Variants in VPS13B observed in about 807,000 individuals in gnomAD.
The protein encoded by VPS13B is vacuolar protein sorting 13 homolog B, also known as intermembrane lipid transfer protein VPS13B.
In VPS13B, 285 loss-of-function variants were observed where a neutral mutation model predicts 426.4. That is an observed-to-expected ratio of 0.67 (90% CI 0.61 to 0.74). The LOEUF is 0.74. Among genes scored for constraint, VPS13B ranks in the 30% least tolerant of loss-of-function variants. The pLI, the probability that VPS13B is intolerant of heterozygous loss-of-function variation, is 0.00. For missense variants in VPS13B, 4,537 were observed against 4,782.6 expected (o/e 0.95, Z 1.51); for synonymous variants, 1,676 against 1,676.4 (o/e 1.00, Z 0.01).
intron 19 of VPS13B, among the ~76,000 whole-genome samples, chr8:99,381,152 G>C (rs550772390): frequency 6.6e-6 from 1 of 152,178 alleles, no homozygotes; most frequent in African/African-American, 2.4e-5. Flanking sequence ...GAGAACATGT[G>C]GTATTTTGTT....
chr8:99,847,242 A>G (rs1159995625), intron 54 of VPS13B, among the ~76,000 whole-genome samples: 2 of 152,236 alleles, frequency 1.3e-5, no homozygotes, highest in Admixed American at 6.5e-5. Flanking sequence ...AAACGTGTTC[A>G]TAGAGAATAC....
chr8:99,135,697 T>C lies in VPS13B; in HGVS notation c.1527T>C (p.Thr509=), dbSNP rs778708757. 3 of 1,613,424 alleles carry C rather than the reference T, an allele frequency of 1.9e-6. No homozygotes were observed. Among genetic ancestry groups the C allele is most frequent in the Middle Eastern group, 1.7e-4 (1 of 6,056 alleles). ...FDYRSPENNG[T]RAEFILDSTH... ...ACCGAAGCCCAGAAAATAATGGTAC[T>C]CGCGCAGAATTTATCTTGGATTCAA... The change falls in exon 11 of 62, where the codon ACT becomes ACC. Residue 509 remains threonine (T), a synonymous_variant. Transcript: ENST00000357162.
chr8:99,791,383 A>G (rs760140960), intron 43 of VPS13B, among the ~76,000 whole-genome samples: 1 of 152,104 alleles, frequency 6.6e-6, no homozygotes, highest in Non-Finnish European at 1.5e-5. Flanking sequence ...GCTCCAGCAC[A>G]CCACTGTCTG....
At chr8:99,742,280 A>G (rs982955000) in intron 39 of VPS13B, among the ~76,000 whole-genome samples, 1 of 152,216 alleles carries the variant, frequency 6.6e-6, no homozygotes, top group African/African-American at 2.4e-5. Flanking sequence ...ACCAGGAAGA[A>G]GTTGAATCTC....
At chr8:99,374,322 T>A in intron 19 of VPS13B, among the ~76,000 whole-genome samples, 1 of 151,986 alleles carries the variant, frequency 6.6e-6, no homozygotes, top group East Asian at 1.9e-4. Context: ...GGAAATCGTT[T>A]TTCACCTCTG....
chr8:99,211,755 G>A (rs928470874), intron 17 of VPS13B, among the ~76,000 whole-genome samples: 2 of 152,030 alleles, frequency 1.3e-5, no homozygotes, highest in African/African-American at 2.4e-5. Flanking sequence ...CCAGCCTGGC[G>A]ACAGAGAGAG....
intron 30 of VPS13B, among the ~76,000 whole-genome samples, chr8:99,540,493 G>C (rs543657513): frequency 6.6e-6 from 1 of 152,242 alleles, no homozygotes; most frequent in Non-Finnish European, 1.5e-5. Flanking sequence ...ACAGCTAGCT[G>C]TTTGACCTCA....
At chr8:99,290,352 G>T (rs192834304) in intron 19 of VPS13B, among the ~76,000 whole-genome samples, 1 of 152,158 alleles carries the variant, frequency 6.6e-6, no homozygotes, top group Non-Finnish European at 1.5e-5. Context: ...CATGTCCTTT[G>T]TGGGGACATG....
At chr8:99,499,915 C>T (rs1168527457) in intron 25 of VPS13B, among the ~76,000 whole-genome samples, 1 of 152,146 alleles carries the variant, frequency 6.6e-6, no homozygotes, top group African/African-American at 2.4e-5. Flanking sequence ...CATTGGGCCT[C>T]CTTCTGAGGT....
At chr8:99,333,319 G>T (rs925847576) in intron 19 of VPS13B, among the ~76,000 whole-genome samples, 4 of 151,720 alleles carry the variant, frequency 2.6e-5, no homozygotes, top group Non-Finnish European at 5.9e-5. Context: ...TTCTTTTAAT[G>T]AAACATTTTC....
intron 19 of VPS13B, among the ~76,000 whole-genome samples, chr8:99,315,218 T>G (rs1390146326): frequency 6.6e-6 from 1 of 152,192 alleles, no homozygotes; most frequent in African/African-American, 2.4e-5. Flanking sequence ...TTTCATTAAA[T>G]AGCTTTATTC....
At chr8:99,417,266 A>G (rs1816073723) in intron 21 of VPS13B, among the ~76,000 whole-genome samples, 1 of 152,216 alleles carries the variant, frequency 6.6e-6, no homozygotes, top group South Asian at 2.1e-4. Context: ...TAAAAGCCAA[A>G]GAGTGGGAAG....
At chr8:99,866,270 C>G (rs558744709) in intron 58 of VPS13B, among the ~76,000 whole-genome samples, 7 of 152,266 alleles carry the variant, frequency 4.6e-5, no homozygotes, top group African/African-American at 7.2e-5. Flanking sequence ...CCATTCCAGG[C>G]TCTCAGAGAG....
intron 23 of VPS13B, among the ~76,000 whole-genome samples, chr8:99,444,850 G>C (rs1264271274): frequency 6.6e-6 from 1 of 151,910 alleles, no homozygotes; most frequent in African/African-American, 2.4e-5. Context: ...TTTTGTAGAG[G>C]TGGGGTTTCA....
intron 35 of VPS13B, chr8:99,697,974 TGGA>T (rs1160584519): frequency 2.5e-6 from 1 of 407,610 alleles, no homozygotes; most frequent in Admixed American, 3.2e-5. Context: ...GAAGAGAAGA[TGGA>T]GGAGAAGACT....
chr8:99,190,917 C>G (rs1385500761), intron 16 of VPS13B, among the ~76,000 whole-genome samples: 1 of 151,936 alleles, frequency 6.6e-6, no homozygotes, highest in Non-Finnish European at 1.5e-5. Context: ...ATATTTCCAT[C>G]TGGTATCACA....
intron 21 of VPS13B, among the ~76,000 whole-genome samples, chr8:99,394,037 A>C (rs946134501): frequency 6.6e-6 from 1 of 152,076 alleles, no homozygotes; most frequent in Non-Finnish European, 1.5e-5. Flanking sequence ...ACATCTGCCT[A>C]CCTTTTTTGG....
chr8:99,423,338 C>T (rs1271560754), intron 21 of VPS13B, among the ~76,000 whole-genome samples: 1 of 151,820 alleles, frequency 6.6e-6, no homozygotes, highest in Non-Finnish European at 1.5e-5. Flanking sequence ...CTCACTGCAG[C>T]CTTGACCTCC....
rs116623265 is a variant in VPS13B at position 99,815,778 on chromosome 8, C to T, written c.8098-1762C>T. Among the ~76,000 whole-genome samples, 563 of 152,236 alleles carry T rather than the reference C, an allele frequency of 3.7e-3. 4 individuals carry two copies. Among genetic ancestry groups the T allele is most frequent in the African/African-American group, 0.013 (535 of 41,536 alleles). On this transcript the variant is annotated intron_variant, in intron 44 of 61. Transcript: ENST00000357162. ...GAAGGATTTGCTTTGTGAAAGAATT[C>T]ACCACCGTATTAAATTTTGCATTAT...
Sources: allele counts gnomAD v4.1 joint callset (sites outside exome capture counted in the v4.1 genomes callset), GRCh38; gene constraint gnomAD v4.1.1; transcripts MANE v1.5; gene names NCBI Gene and HGNC (gene_info 2026-07-23, HGNC 2026-07-21).